Variants in AFF3 observed in about 807,000 individuals in gnomAD.
AFF3 encodes the protein ALF transcription elongation factor 3.
A neutral mutation model predicts 129.7 loss-of-function variants in AFF3; 32 were observed. That is an observed-to-expected ratio of 0.25 (90% CI 0.19 to 0.33). The LOEUF is 0.33. Among genes scored for constraint, AFF3 ranks in the 10% least tolerant of loss-of-function variants. The pLI is 1.00. For missense variants in AFF3, 1,373 were observed against 1,592.0 expected (o/e 0.86, Z 2.34); for synonymous variants, 644 against 635.4 (o/e 1.01, Z -0.20).
chr2:100,001,720 C>T (rs1392265459), intron 7 of AFF3, among the ~76,000 whole-genome samples: 3 of 152,244 alleles, frequency 2.0e-5, no homozygotes. Context: ...AGCCACTGCG[C>T]CCAGCCCAAG....
At chr2:100,064,174 G>A (rs1219338988) in intron 4 of AFF3, among the ~76,000 whole-genome samples, 1 of 151,934 alleles carries the variant, frequency 6.6e-6, no homozygotes, top group African/African-American at 2.4e-5. Context: ...AAACAACAAT[G>A]ATAAAGAAAA....
intron 13 of AFF3, 72 bp downstream of exon 13, chr2:99,649,554 T>A: frequency 5.3e-6 from 8 of 1,506,542 alleles, no homozygotes; most frequent in Non-Finnish European, 6.4e-6. Context: ...CGATTATGAA[T>A]TATATGCCAC....
At position 99,594,038 on chromosome 2, in the gene AFF3, C is replaced by G. The variant is rs1434184153; in HGVS notation, c.1623G>C (p.Gly541=). The G allele has an allele frequency of 2.5e-6, 4 of 1,609,414 alleles. No individual in the cohort carries two copies. The part of the protein sequence containing the change: ...QRPRTANKAP[G]SKGVKQKSPP... Reference sequence around the variant, plus strand: ...GGGACTTCTGCTTCACGCCTTTACTCCCAGGGGCCTTGTTGGCTGTCCTTG... The same window carrying G: ...GGGACTTCTGCTTCACGCCTTTACTGCCAGGGGCCTTGTTGGCTGTCCTTG... The change falls in exon 15 of 25, where the codon GGG becomes GGC. Residue 541 remains glycine, a synonymous_variant. Coordinates refer to ENST00000672756, the MANE Select transcript of AFF3 (RefSeq NM_001386135.1).
At chr2:100,063,168 T>C (rs1687442121) in intron 4 of AFF3, among the ~76,000 whole-genome samples, 1 of 150,634 alleles carries the variant, frequency 6.6e-6, no homozygotes, top group East Asian at 2.0e-4. Context: ...GGAGAATCAC[T>C]TGAACCTGGG....
At chr2:99,611,759 C>T (rs13012662) in intron 13 of AFF3, among the ~76,000 whole-genome samples, 23,633 of 151,894 alleles carry the variant, frequency 0.16, 2,255 homozygotes, top group South Asian at 0.25. Context: ...TGGTGGCGCG[C>T]GCCTGTAATC....
At chr2:99,556,780 G>T (rs1211564901) in intron 22 of AFF3, among the ~76,000 whole-genome samples, 2 of 151,940 alleles carry the variant, frequency 1.3e-5, no homozygotes, top group Non-Finnish European at 2.9e-5. Context: ...AAATGAGCTG[G>T]GTGTGGTGGT....
intron 7 of AFF3, among the ~76,000 whole-genome samples, chr2:99,961,275 G>A (rs2104325610): frequency 6.6e-6 from 1 of 152,292 alleles, no homozygotes; most frequent in East Asian, 1.9e-4. Context: ...CGTTCTACCA[G>A]CTAGAGGCCT....
intron 8 of AFF3, among the ~76,000 whole-genome samples, chr2:99,832,645 G>GTGGT (rs1377384634): frequency 6.6e-6 from 1 of 152,260 alleles, no homozygotes; most frequent in East Asian, 1.9e-4. Context: ...ATATAAAAGT[G>GTGGT]TGGTATTTCT....
intron 7 of AFF3, among the ~76,000 whole-genome samples, chr2:99,848,517 C>T (rs1689902447): frequency 6.6e-6 from 1 of 152,074 alleles, no homozygotes; most frequent in Admixed American, 6.5e-5. Context: ...GATCATAAAG[C>T]AAATTTCTGC....
chr2:99,871,528 C>T (rs574684763), intron 7 of AFF3, among the ~76,000 whole-genome samples: 2 of 149,830 alleles, frequency 1.3e-5, no homozygotes, highest in East Asian at 3.9e-4. Flanking sequence ...ATAAAACTGG[C>T]TTATTTTGCA....
intron 11 of AFF3, among the ~76,000 whole-genome samples, chr2:99,688,246 T>C (rs1240049992): frequency 2.0e-5 from 3 of 152,150 alleles, no homozygotes; most frequent in Non-Finnish European, 4.4e-5. Flanking sequence ...GGTACTACAC[T>C]ATAGTGGTGC....
chr2:99,800,119 TG>T (rs1685831340), intron 8 of AFF3, among the ~76,000 whole-genome samples: 1 of 152,188 alleles, frequency 6.6e-6, no homozygotes, highest in South Asian at 2.1e-4. Flanking sequence ...TTGAAAGACA[TG>T]TCTTTACAAT....
chr2:99,821,590 C>T (rs1687688636), intron 8 of AFF3, among the ~76,000 whole-genome samples: 1 of 152,288 alleles, frequency 6.6e-6, no homozygotes, highest in Middle Eastern at 3.4e-3. Flanking sequence ...GCATGCAGCC[C>T]GCAGATTGGA....
chr2:100,114,167 A>G (rs1196023484), intron 2 of AFF3, among the ~76,000 whole-genome samples: 1 of 152,212 alleles, frequency 6.6e-6, no homozygotes, highest in Non-Finnish European at 1.5e-5. Context: ...GATTCAGCCC[A>G]GGGGTTTTTC....
chr2:99,728,083 G>A (rs1288324824), intron 10 of AFF3, among the ~76,000 whole-genome samples: 1 of 152,146 alleles, frequency 6.6e-6, no homozygotes, highest in African/African-American at 2.4e-5. Context: ...TACGTAGTTG[G>A]GGGAGCTTGG....
rs1215483123 is a variant in AFF3, at chr2:100,027,097, CAG to C, written c.54-18167_54-18166del. On this transcript the variant is annotated intron_variant, in intron 4 of 24. Coordinates refer to ENST00000672756, the MANE Select transcript of AFF3 (RefSeq NM_001386135.1). ...CTATGGAAAAATAAAAACAAATAAA[CAG>C]AGAAAAAAAGTGAACTAGACCAATG... Among the ~76,000 whole-genome samples, 7 of 151,960 alleles carry C rather than the reference CAG, an allele frequency of 4.6e-5. No individual in the cohort carries two copies. In the South Asian group the frequency reaches 8.3e-4, roughly 18 times the overall value.
chr2:99,747,832 G>A (rs1446041560), intron 9 of AFF3, among the ~76,000 whole-genome samples: 2 of 152,026 alleles, frequency 1.3e-5, no homozygotes, highest in Non-Finnish European at 2.9e-5. Context: ...TTTCTTGGTG[G>A]TACATTGAAA....
intron 13 of AFF3, among the ~76,000 whole-genome samples, chr2:99,622,375 C>CA (rs753475121): frequency 1.9e-4 from 29 of 152,238 alleles, no homozygotes; most frequent in Non-Finnish European, 3.7e-4. Context: ...GAAGGAATGT[C>CA]AAAGCCAGGC....
intron 10 of AFF3, among the ~76,000 whole-genome samples, chr2:99,743,159 C>A (rs960392856): frequency 2.2e-4 from 34 of 152,142 alleles, no homozygotes; most frequent in Non-Finnish European, 5.0e-4. Flanking sequence ...CAAATCCCAA[C>A]AGAGGGTGGG....
Sources: allele counts gnomAD v4.1 joint callset (sites outside exome capture counted in the v4.1 genomes callset), GRCh38; gene constraint gnomAD v4.1.1; transcripts MANE v1.5; gene names NCBI Gene and HGNC (gene_info 2026-07-23, HGNC 2026-07-21).